ADAMTS9: variants seen among roughly 807,000 people sequenced by gnomAD.
The protein encoded by ADAMTS9 is ADAM metallopeptidase with thrombospondin type 1 motif 9.
A neutral mutation model predicts 257.1 loss-of-function variants in ADAMTS9; 107 were observed. The ratio of observed to expected loss-of-function variants is 0.42; its 90% CI spans 0.36 to 0.49. The LOEUF (loss-of-function observed/expected upper bound fraction) is 0.49. Ranked by LOEUF, ADAMTS9 falls within the 20% of genes least tolerant of loss-of-function variation. The pLI is 0.03. For missense variants in ADAMTS9, 2,353 were observed against 2,469.1 expected, an observed-to-expected ratio of 0.95 and a Z score of 1.00; for synonymous variants, 982 against 880.9, an observed-to-expected ratio of 1.11 and a Z score of -2.03.
At chr3:64,641,267 T>C (rs1700631369) in intron 12 of ADAMTS9, among the ~76,000 whole-genome samples, 1 of 151,934 alleles carries the variant, frequency 6.6e-6, no homozygotes, top group African/African-American at 2.4e-5. Context: ...TTGCCTGCTT[T>C]TTTTTTGTTT....
chr3:64,629,399 C>T (rs567015121), intron 16 of ADAMTS9, among the ~76,000 whole-genome samples: 6 of 152,314 alleles, frequency 3.9e-5, no homozygotes, highest in African/African-American at 1.2e-4. Flanking sequence ...ATGACCTAGT[C>T]TTGTTTAACC....
chr3:64,551,142 C>T lies in ADAMTS9; in HGVS notation c.4699-80G>A, dbSNP rs73832311. ...CTGTAATTATGTGTTTACCTGTCTA[C>T]ATAGCCTTTAAGATCATAAGAGCCC... On this transcript the variant is annotated intron_variant, in intron 30 of 39. Coordinates refer to ENST00000498707, the MANE Select transcript of ADAMTS9 (RefSeq NM_182920.2). The T allele has an allele frequency of 4.5e-3, 6,628 of 1,481,714 alleles. 214 individuals carry two copies. In the African/African-American group the frequency reaches 0.08, roughly 18 times the overall value. 91.8% of individuals were successfully genotyped at this position (1,481,714 alleles called of 1,614,324 possible).
intron 30 of ADAMTS9, among the ~76,000 whole-genome samples, chr3:64,551,323 C>A (rs564092982): frequency 2.6e-5 from 4 of 152,244 alleles, no homozygotes; most frequent in African/African-American, 9.6e-5. Flanking sequence ...CGTTTTCCTG[C>A]CTCAGCCTCC....
At chr3:64,650,658 A>G (rs942590782) in intron 9 of ADAMTS9, 21 of 189,712 alleles carry the variant, frequency 1.1e-4, no homozygotes, top group African/African-American at 4.5e-4. Context: ...TCAGGCCCAA[A>G]TTACTAAATT....
At chr3:64,527,868 C>T (rs986227411) in intron 38 of ADAMTS9, among the ~76,000 whole-genome samples, 2 of 152,060 alleles carry the variant, frequency 1.3e-5, no homozygotes, top group African/African-American at 2.4e-5. Flanking sequence ...CAGCCCAGGT[C>T]GAAACATGAG....
At chr3:64,564,112 T>C (rs1219417646) in intron 29 of ADAMTS9, among the ~76,000 whole-genome samples, 1 of 152,216 alleles carries the variant, frequency 6.6e-6, no homozygotes, top group Non-Finnish European at 1.5e-5. Context: ...CGTTTGCAGA[T>C]GAAAACATCT....
chr3:64,613,874 C>T (rs1477905546), intron 21 of ADAMTS9, among the ~76,000 whole-genome samples: 1 of 152,120 alleles, frequency 6.6e-6, no homozygotes, highest in Non-Finnish European at 1.5e-5. Flanking sequence ...CTCTGAACCT[C>T]AATTTTCTCA....
intron 19 of ADAMTS9, among the ~76,000 whole-genome samples, chr3:64,619,297 A>G (rs1700046265): frequency 6.6e-6 from 1 of 152,136 alleles, no homozygotes; most frequent in Non-Finnish European, 1.5e-5. Context: ...GGGAACAGGG[A>G]TGGGGCAAAA....
At chr3:64,590,252 A>G (rs979410189) in intron 28 of ADAMTS9, among the ~76,000 whole-genome samples, 2 of 152,206 alleles carry the variant, frequency 1.3e-5, no homozygotes, top group African/African-American at 4.8e-5. Flanking sequence ...GAAGCTGTCT[A>G]ATTACACAAA....
chr3:64,672,254 G>C (rs1425923822), intron 3 of ADAMTS9, among the ~76,000 whole-genome samples: 2 of 152,176 alleles, frequency 1.3e-5, no homozygotes, highest in African/African-American at 4.8e-5. Flanking sequence ...CTTCAGCAGG[G>C]AATGGGTTTC....
chr3:64,596,713 C>G, intron 27 of ADAMTS9, 117 bp downstream of exon 27: 1 of 1,258,354 alleles, frequency 7.9e-7, no homozygotes, highest in East Asian at 2.4e-5. Flanking sequence ...TAGTTAATCC[C>G]CACCCCAGAA....
At chr3:64,608,798 T>C (rs4688487) in intron 22 of ADAMTS9, among the ~76,000 whole-genome samples, 42,700 of 151,238 alleles carry the variant, frequency 0.28, 8,018 homozygotes, top group East Asian at 0.56. Context: ...GAGGCCAGTA[T>C]TACCCTAACA....
intron 38 of ADAMTS9, among the ~76,000 whole-genome samples, chr3:64,528,215 G>T (rs1262985718): frequency 6.6e-6 from 1 of 152,060 alleles, no homozygotes; most frequent in Non-Finnish European, 1.5e-5. Flanking sequence ...TGTCTCTGAA[G>T]GCCTATTCCA....
At chr3:64,580,631 T>C (rs569169459) in intron 28 of ADAMTS9, among the ~76,000 whole-genome samples, 11 of 152,318 alleles carry the variant, frequency 7.2e-5, no homozygotes, top group Admixed American at 2.0e-4. Context: ...GGTTGCTGGG[T>C]GACCCAGTCC....
intron 38 of ADAMTS9, among the ~76,000 whole-genome samples, chr3:64,525,607 T>G (rs6445407): frequency 0.015 from 2,276 of 152,098 alleles, 46 homozygotes; most frequent in African/African-American, 0.052. Context: ...GTTATAGTAT[T>G]TATTTTATTT....
At chr3:64,668,170 C>G (rs1202541677) in intron 3 of ADAMTS9, among the ~76,000 whole-genome samples, 1 of 152,144 alleles carries the variant, frequency 6.6e-6, no homozygotes, top group African/African-American at 2.4e-5. Context: ...CTTGGCATCT[C>G]CCAAGCTTGC....
chr3:64,683,814 C>T (rs932824230), intron 2 of ADAMTS9, among the ~76,000 whole-genome samples: 1 of 151,826 alleles, frequency 6.6e-6, no homozygotes, highest in Non-Finnish European at 1.5e-5. Flanking sequence ...ACCCTGTTGC[C>T]AAGGAGAAAA....
rs1317153907 is a variant in ADAMTS9, at chr3:64,681,241, C to T, written c.639G>A (p.Gln213=). The T allele has an allele frequency of 1.2e-6, 2 of 1,613,840 alleles. No homozygotes were observed. The highest frequency in any genetic ancestry group is 1.7e-6 in the Non-Finnish European group (2 of 1,179,948). ...PHIIYRRSAP[Q]REPSTGRHAC... is the part of the protein sequence containing the mutation. ...CATGCCTTCCTGTTGAGGGCTCTCT[C>T]TGGGGGGCGCTGCGCCTATAAATGA... Residue 213 remains glutamine, a synonymous_variant, in exon 3 of 40, where the codon CAG becomes CAA. Coordinates refer to ENST00000498707, the MANE Select transcript of ADAMTS9 (RefSeq NM_182920.2).
intron 28 of ADAMTS9, among the ~76,000 whole-genome samples, chr3:64,584,722 A>G (rs1000980406): frequency 3.3e-5 from 5 of 152,020 alleles, no homozygotes; most frequent in Admixed American, 1.3e-4. Flanking sequence ...CTGAGTCCCC[A>G]ATTGCCAACA....
Sources: allele counts gnomAD v4.1 joint callset (sites outside exome capture counted in the v4.1 genomes callset), GRCh38; gene constraint gnomAD v4.1.1; transcripts MANE v1.5; gene names NCBI Gene and HGNC (gene_info 2026-07-23, HGNC 2026-07-21).